The following RABEP1 variants were observed in gnomAD, a reference collection of about 807,000 sequenced individuals.
The protein encoded by RABEP1 is rab GTPase-binding effector protein 1.
RABEP1 carries 51 observed loss-of-function variants against 123.4 expected under a neutral mutation model. That is an observed-to-expected ratio of 0.41 (90% confidence interval 0.33 to 0.52). The LOEUF (loss-of-function observed/expected upper bound fraction) is 0.52. RABEP1 is among the 20% of genes least tolerant of loss of function. The pLI, the probability that RABEP1 is intolerant of heterozygous loss-of-function variation, is 0.16. For missense variants in RABEP1, 888 were observed against 996.3 expected (o/e 0.89, Z 1.46); for synonymous variants, 347 against 355.2 (o/e 0.98, Z 0.26).
chr17:5,322,845 C>T (rs558904926), intron 2 of RABEP1, among the ~76,000 whole-genome samples: 1 of 152,078 alleles, frequency 6.6e-6, no homozygotes, highest in African/African-American at 2.4e-5. Context: ...GAGGCCGAGG[C>T]GGGTGGATCA....
At chr17:5,331,606 C>A (rs1906552851) in intron 2 of RABEP1, among the ~76,000 whole-genome samples, 1 of 152,084 alleles carries the variant, frequency 6.6e-6, no homozygotes, top group Non-Finnish European at 1.5e-5. Flanking sequence ...TTAGCGTTTC[C>A]AATAAATTAT....
intron 11 of RABEP1, among the ~76,000 whole-genome samples, chr17:5,367,383 T>C (rs907598926): frequency 2.0e-5 from 3 of 151,808 alleles, no homozygotes; most frequent in Non-Finnish European, 4.4e-5. Flanking sequence ...GCGATTCTCC[T>C]GCCTCAGCCT....
At position 5,299,719 on chromosome 17, in the gene RABEP1, C is replaced by CTTTTTTTTTT. The variant is rs146585957; in HGVS notation, c.35-8970_35-8969insTTTTTTTTTT. On this transcript the variant is annotated intron_variant, in intron 1 of 17. Transcript: ENST00000537505. ...TCATTTCTTTTTCTTTTTTTCTTTT[C>CTTTTTTTTTT]TTTTTCTTTTTCTTTTTTTTTTTTT... Among the ~76,000 whole-genome samples, 155 of 98,808 alleles carry CTTTTTTTTTT rather than the reference C, an allele frequency of 1.6e-3. 18 individuals are homozygous for CTTTTTTTTTT. Among genetic ancestry groups the CTTTTTTTTTT allele is most frequent in the South Asian group, 7.3e-3 (12 of 1,648 alleles). 64.8% of individuals were successfully genotyped at this position (98,808 alleles called of 152,430 possible).
intron 2 of RABEP1, among the ~76,000 whole-genome samples, chr17:5,314,612 G>C (rs550850750): frequency 1.3e-5 from 2 of 148,940 alleles, no homozygotes; most frequent in African/African-American, 5.0e-5. Flanking sequence ...TCCGCCTCCT[G>C]GCTTCACGCC....
At position 5,378,214 on chromosome 17, in the gene RABEP1, A is replaced by G; in HGVS notation, c.2253A>G (p.Ile751Met). 2.5e-6 allele frequency: 4 copies of G among 1,593,778 alleles called. No individual in the cohort carries two copies. The highest frequency in any genetic ancestry group is 3.4e-6 in the Non-Finnish European group (4 of 1,161,586). ...ISSLKAELER[I>M]KVEKGQLEST... ...GCCTAAAAGCTGAATTAGAAAGAAT[A>G]AAAGTGGAAAAAGGACAGGTAAGTC... Residue 751 changes from isoleucine to methionine, a missense_variant, in exon 15 of 18, where the codon ATA becomes ATG. Coordinates refer to ENST00000537505, the MANE Select transcript of RABEP1 (RefSeq NM_004703.6).
At chr17:5,357,183 C>T (rs1309392658) in intron 8 of RABEP1, among the ~76,000 whole-genome samples, 2 of 151,818 alleles carry the variant, frequency 1.3e-5, no homozygotes, top group African/African-American at 4.8e-5. Context: ...GCTCTATTTG[C>T]ACTTTTAAAA....
intron 7 of RABEP1, among the ~76,000 whole-genome samples, chr17:5,351,211 T>C (rs1332518683): frequency 6.6e-6 from 1 of 152,148 alleles, no homozygotes; most frequent in East Asian, 1.9e-4. Flanking sequence ...GTGGCAGGTG[T>C]TCAGAGCACT....
intron 1 of RABEP1, among the ~76,000 whole-genome samples, chr17:5,298,048 G>C (rs761597863): frequency 3.9e-4 from 60 of 152,168 alleles, no homozygotes; most frequent in Non-Finnish European, 7.5e-4. Flanking sequence ...CATGTAGGCA[G>C]ATAGCTATTT....
chr17:5,303,956 C>G (rs1344365023), intron 1 of RABEP1, among the ~76,000 whole-genome samples: 1 of 151,482 alleles, frequency 6.6e-6, no homozygotes, highest in African/African-American at 2.4e-5. Context: ...TCACTTGAAC[C>G]CCAGGAGGCA....
intron 1 of RABEP1, among the ~76,000 whole-genome samples, chr17:5,286,744 T>C (rs1233506365): frequency 2.0e-5 from 3 of 152,158 alleles, no homozygotes; most frequent in Non-Finnish European, 2.9e-5. Context: ...GTAGGCAATA[T>C]AGATAATAAA....
rs1200739902 is a variant in RABEP1, at chr17:5,383,397, TG to T, written c.*178del. ...GTGCGGCACAGGAAACAGCAAACAG[TG>T]GGGTGATCTGCAGCCCAGAGACCTT... On this transcript the variant is annotated 3_prime_UTR_variant, in exon 18 of 18. Transcript: ENST00000537505. The T allele has an allele frequency of 1.7e-6, 1 of 593,706 alleles. No individual in the cohort carries two copies. Among genetic ancestry groups the T allele is most frequent in the Non-Finnish European group, 3.0e-6 (1 of 335,926 alleles). 36.8% of individuals were successfully genotyped at this position (593,706 alleles called of 1,614,324 possible). A position where few individuals can be genotyped will look rare whatever the true frequency, so the allele number is the denominator to read the frequency against.
intron 11 of RABEP1, among the ~76,000 whole-genome samples, chr17:5,367,017 A>G (rs992054674): frequency 6.6e-6 from 1 of 150,586 alleles, no homozygotes; most frequent in Non-Finnish European, 1.5e-5. Context: ...TGAACCCGGG[A>G]GGCGGAGGTT....
rs565612227 is a variant in RABEP1 at position 5,376,681 on chromosome 17, A to G, written c.2026-435A>G. ...TTAGTAAATGTTTGAATGAATGAAT[A>G]AGTGAGTAAGTAAATAAATGTTATC... On this transcript the variant is annotated intron_variant, in intron 13 of 17. Transcript: ENST00000537505. 2.8e-4 allele frequency among the ~76,000 whole-genome samples: 42 copies of G among 152,310 alleles called. No individual in the cohort carries two copies. In the South Asian group the frequency reaches 8.1e-3, roughly 29 times the overall value.
chr17:5,363,384 T>C (rs1405370419), intron 10 of RABEP1, among the ~76,000 whole-genome samples: 1 of 151,986 alleles, frequency 6.6e-6, no homozygotes, highest in East Asian at 1.9e-4. Context: ...CACCCCCAGC[T>C]ATTTTTTGTA....
intron 9 of RABEP1, chr17:5,362,028 G>C (rs1288590391): frequency 5.3e-6 from 1 of 188,096 alleles, no homozygotes; most frequent in East Asian, 1.3e-4. Flanking sequence ...TGTATTGCAG[G>C]ATCCAGGCTT....
intron 1 of RABEP1, among the ~76,000 whole-genome samples, chr17:5,282,787 G>T (rs374932080): frequency 1.3e-5 from 2 of 151,418 alleles, no homozygotes; most frequent in East Asian, 1.9e-4. Flanking sequence ...TGGGTAGCGT[G>T]GGGTAGTGTG....
rs1452642093 is a variant in RABEP1, at chr17:5,368,441, G to A, written c.1857G>A (p.Gln619=). 1.9e-6 allele frequency: 3 copies of A among 1,613,196 alleles called. No homozygotes were observed. The highest frequency in any genetic ancestry group is 2.5e-6 in the Non-Finnish European group (3 of 1,179,668). ...LLEELQQGLS[Q]AKRDVQEQMA... ...AAGAGTTACAGCAGGGGCTTTCCCA[G>A]GCAAAGAGGGATGTTCAGGAACAGA... The change falls in exon 12 of 18, where the codon CAG becomes CAA. Residue 619 remains glutamine, a synonymous_variant. Coordinates refer to ENST00000537505, the MANE Select transcript of RABEP1 (RefSeq NM_004703.6).
rs1420924403 is a variant in RABEP1 at position 5,367,214 on chromosome 17, A to G, written c.1786-1156A>G. On this transcript the variant is annotated intron_variant, in intron 11 of 17. Coordinates refer to ENST00000537505, the MANE Select transcript of RABEP1 (RefSeq NM_004703.6). ...CCTATATTATAGAGGTTTTATTCAC[A>G]TTTATATCTAAAATTCCTCTAGAAC... 2.0e-5 allele frequency among the ~76,000 whole-genome samples: 3 copies of G among 151,790 alleles called. No individual in the cohort carries two copies. The East Asian group carries it at 5.8e-4, about 29-fold the overall frequency.
Position 5,282,376 on chromosome 17 carries a change from G to GGGCGGC in RABEP1, c.-98_-93dup, listed in dbSNP as rs878972858. On this transcript the variant is annotated 5_prime_UTR_variant, in exon 1 of 18. Coordinates refer to ENST00000537505, the MANE Select transcript of RABEP1 (RefSeq NM_004703.6). The stretch of plus-strand genomic sequence containing the variant: ...GATCCAGCCTTAGCGGTTTCTCTCT[G>GGGCGGC]GGCGGCGGCGGCGGCGGCTCGGTTG... The GGGCGGC allele has an allele frequency of 2.0e-5, 18 of 887,936 alleles. No individual in the cohort carries two copies. Among genetic ancestry groups the GGGCGGC allele is most frequent in the African/African-American group, 3.5e-5 (2 of 56,668 alleles). 55.0% of individuals were successfully genotyped at this position (887,936 alleles called of 1,614,324 possible). A position where few individuals can be genotyped will look rare whatever the true frequency, so the allele number is the denominator to read the frequency against.
Sources: allele counts gnomAD v4.1 joint callset (sites outside exome capture counted in the v4.1 genomes callset), GRCh38; gene constraint gnomAD v4.1.1; transcripts MANE v1.5; gene names NCBI Gene and HGNC (gene_info 2026-07-23, HGNC 2026-07-21).